The following CRY2 variants were observed in gnomAD, a reference collection of about 807,000 sequenced individuals.
The protein encoded by CRY2 is cryptochrome-2.
CRY2 carries 31 observed loss-of-function variants against 69.5 expected under a neutral mutation model. The observed-to-expected ratio is 0.45, with a 90% CI of 0.34 to 0.60. The LOEUF (loss-of-function observed/expected upper bound fraction) is 0.60. Ranked by LOEUF, CRY2 falls within the 20% of genes least tolerant of loss-of-function variation. CRY2 has a pLI of 0.02. For missense variants in CRY2, 606 were observed against 797.8 expected, an observed-to-expected ratio of 0.76 and a Z score of 2.90; for synonymous variants, 303 against 312.2, an observed-to-expected ratio of 0.97 and a Z score of 0.31.
chr11:45,857,009 C>T (rs971134911), intron 2 of CRY2, among the ~76,000 whole-genome samples: 1 of 152,134 alleles, frequency 6.6e-6, no homozygotes, highest in East Asian at 1.9e-4. Context: ...GGACAGACTG[C>T]CATCACCCTC....
intron 11 of CRY2, among the ~76,000 whole-genome samples, chr11:45,878,028 G>A (rs529212734): frequency 5.3e-5 from 8 of 152,312 alleles, no homozygotes; most frequent in South Asian, 4.1e-4. Context: ...AACTGGTGCC[G>A]AAGTCAACAT....
At chr11:45,869,201 G>C (rs985677524) in intron 6 of CRY2, among the ~76,000 whole-genome samples, 2 of 152,198 alleles carry the variant, frequency 1.3e-5, no homozygotes, top group Non-Finnish European at 2.9e-5. Flanking sequence ...AACTCTTGAG[G>C]ACAAGGAACA....
intron 5 of CRY2, among the ~76,000 whole-genome samples, chr11:45,863,830 TA>T (rs2086308611): frequency 6.6e-6 from 1 of 152,070 alleles, no homozygotes; most frequent in Non-Finnish European, 1.5e-5. Flanking sequence ...CCACTCGGAC[TA>T]GGATCAGGGA....
chr11:45,869,641 G>A lies in CRY2; in HGVS notation c.1018G>A (p.Asp340Asn). 6.2e-7 allele frequency: 1 copy of A among 1,614,246 alleles called. No individual in the cohort carries two copies. Among genetic ancestry groups the A allele is most frequent in the Non-Finnish European group, 8.5e-7 (1 of 1,180,046 alleles). Residue 340 changes from aspartate (D) to asparagine (N), a missense_variant, in exon 7 of 12, where the codon GAC becomes AAC. By Grantham distance (23) the Asp-to-Asn change is conservative. Transcript: ENST00000616080. ...CCCCATCTGCATCCAGATCCCCTGGGACCGCAATCCTGAGGCCCTGGCCAA... is the reference window on the plus strand; with the variant it reads ...CCCCATCTGCATCCAGATCCCCTGGAACCGCAATCCTGAGGCCCTGGCCAA... ...GNPICIQIPW[D>N]RNPEALAKWA... is the part of the protein sequence containing the mutation.
intron 5 of CRY2, among the ~76,000 whole-genome samples, chr11:45,863,821 C>T (rs2086308410): frequency 6.6e-6 from 1 of 151,966 alleles, no homozygotes; most frequent in South Asian, 2.1e-4. Flanking sequence ...CTGCTTTATC[C>T]ACTCGGACTA....
Position 45,847,626 on chromosome 11 carries a change from G to A in CRY2, c.136G>A (p.Gly46Arg). 1.2e-6 allele frequency: 2 copies of A among 1,602,758 alleles called. No homozygotes were observed. Among genetic ancestry groups the A allele is most frequent in the Non-Finnish European group, 1.7e-6 (2 of 1,175,618 alleles). The change falls in exon 1 of 12, where the codon GGG (glycine) becomes AGG (arginine). Residue 46 changes from glycine (G) to arginine (R), a missense_variant. Physicochemically the swap from Gly to Arg is moderately radical, Grantham distance 125. Transcript: ENST00000616080. Reference sequence around the variant, plus strand: ...CCCGGCGTTGCTGGCGGCCGTGCGCGGGGCGCGCTGCGTGCGCTGCGTTTA... The same window carrying A: ...CCCGGCGTTGCTGGCGGCCGTGCGCAGGGCGCGCTGCGTGCGCTGCGTTTA... ...DNPALLAAVRGARCVRCVYIL... is the reference protein window; with the variant it reads ...DNPALLAAVRRARCVRCVYIL...
chr11:45,871,388 A>G (rs1267482181), intron 10 of CRY2, among the ~76,000 whole-genome samples: 1 of 152,190 alleles, frequency 6.6e-6, no homozygotes, highest in Non-Finnish European at 1.5e-5. Context: ...GACAAGATAC[A>G]GCATGAGCAG....
chr11:45,872,282 G>GCA, intron 11 of CRY2, 49 bp downstream of exon 11: 1 of 1,571,794 alleles, frequency 6.4e-7, no homozygotes, highest in Non-Finnish European at 8.7e-7. Context: ...GTTGGGAGTG[G>GCA]GGGGGCCTAC....
chr11:45,873,836 G>A (rs186807788), intron 11 of CRY2, among the ~76,000 whole-genome samples: 19 of 152,268 alleles, frequency 1.2e-4, no homozygotes, highest in Admixed American at 1.2e-3. Flanking sequence ...TTGCGCTAGG[G>A]GGCCTGAAAA....
chr11:45,880,185 C>A (rs1041132641), intron 11 of CRY2, among the ~76,000 whole-genome samples: 6 of 152,160 alleles, frequency 3.9e-5, no homozygotes, highest in African/African-American at 1.2e-4. Context: ...CACATTTAAA[C>A]TGCACAAACT....
At chr11:45,850,911 A>T (rs764029680) in intron 1 of CRY2, among the ~76,000 whole-genome samples, 30 of 152,174 alleles carry the variant, frequency 2.0e-4, no homozygotes, top group African/African-American at 2.7e-4. Flanking sequence ...GTAAAAACGG[A>T]CAGAGAAATG....
intron 3 of CRY2, among the ~76,000 whole-genome samples, chr11:45,859,945 AGAG>A (rs1159334103): frequency 6.6e-6 from 1 of 152,132 alleles, no homozygotes; most frequent in East Asian, 1.9e-4. Context: ...GCTGCGTGCC[AGAG>A]GAGAGGGAGG....
intron 1 of CRY2, among the ~76,000 whole-genome samples, chr11:45,850,454 G>T (rs1330803349): frequency 1.3e-5 from 2 of 152,180 alleles, no homozygotes; most frequent in Non-Finnish European, 2.9e-5. Context: ...TCAGAAGAAA[G>T]AGATGAAGTA....
chr11:45,860,255 G>C lies in CRY2; in HGVS notation c.468-593G>C, dbSNP rs113896849. ...GTATCAGTTGTGGCTATGAACTCTA[G>C]CTCCAGTCTCTGAATTTGGGAGGAT... On this transcript the variant is annotated intron_variant, in intron 3 of 11. Transcript: ENST00000616080. 3.8e-3 allele frequency among the ~76,000 whole-genome samples: 579 copies of C among 152,126 alleles called. 4 individuals carry two copies. Among genetic ancestry groups the C allele is most frequent in the African/African-American group, 0.013 (550 of 41,472 alleles).
chr11:45,855,987 T>C lies in CRY2; in HGVS notation c.221T>C (p.Leu74Pro), dbSNP rs1224995806. 6.2e-7 allele frequency: 1 copy of C among 1,613,888 alleles called. No individual in the cohort carries two copies. Among genetic ancestry groups the C allele is most frequent in the East Asian group, 2.2e-5 (1 of 44,874 alleles). Residue 74 changes from leucine (L) to proline (P), a missense_variant, in exon 2 of 12, where the codon CTA (leucine) becomes CCA (proline). This residue lies in a region of CRY2 where 382 missense variants were observed against 508.9 expected (regional missense o/e 0.75). Transcript: ENST00000616080. ...SSVGINRWRFLLQSLEDLDTS... is the reference protein window; with the variant it reads ...SSVGINRWRFPLQSLEDLDTS... ...GGCCTGTGTGGACTCCACAGGTTCC[T>C]ACTTCAGTCTCTGGAAGATTTGGAC... is the stretch of plus-strand genomic sequence containing the variant.
At chr11:45,879,132 G>A (rs979027353) in intron 11 of CRY2, among the ~76,000 whole-genome samples, 4 of 151,618 alleles carry the variant, frequency 2.6e-5, no homozygotes, top group Non-Finnish European at 1.5e-5. Flanking sequence ...AGGAGGCTGA[G>A]GCAGGAGAAT....
rs775754822 is a variant in CRY2, at chr11:45,870,054, T to C, written c.1196T>C (p.Val399Ala). ...CTGATCATCCCCTCCCCTATCTAGGTATTTGATGAGCTGCTCCTGGATGCA... is the reference window on the plus strand; with the variant it reads ...CTGATCATCCCCTCCCCTATCTAGGCATTTGATGAGCTGCTCCTGGATGCA... ...LWVSWESGVR[V>A]FDELLLDADF... Residue 399 changes from valine to alanine, a missense_variant and splice_region_variant, in exon 8 of 12, where the codon GTA becomes GCA. Val to Ala is a moderately conservative substitution (Grantham distance 64, BLOSUM62 0). Around this residue, in one of 5 missense-constraint regions of CRY2, gnomAD observed 382 missense variants for 508.9 expected, o/e 0.75. Coordinates refer to ENST00000616080, the MANE Select transcript of CRY2 (RefSeq NM_021117.5). The C allele has an allele frequency of 1.9e-6, 3 of 1,596,462 alleles. No individual in the cohort carries two copies. The highest frequency in any genetic ancestry group is 2.6e-6 in the Non-Finnish European group (3 of 1,169,932).
chr11:45,874,280 A>T, intron 11 of CRY2, among the ~76,000 whole-genome samples: 1 of 135,938 alleles, frequency 7.4e-6, no homozygotes, highest in East Asian at 2.0e-4. Flanking sequence ...AACTCTGTCT[A>T]AAAAAAAAAA....
intron 5 of CRY2, 108 bp downstream of exon 5, chr11:45,862,256 A>G: frequency 1.9e-6 from 2 of 1,050,786 alleles, no homozygotes; most frequent in Non-Finnish European, 2.7e-6. Context: ...ATTGTTTGGA[A>G]AATGAAAAAT....
Sources: allele counts gnomAD v4.1 joint callset (sites outside exome capture counted in the v4.1 genomes callset), GRCh38; gene constraint gnomAD v4.1.1; regional missense constraint gnomAD v4.1.1; transcripts MANE v1.5; gene names NCBI Gene and HGNC (gene_info 2026-07-23, HGNC 2026-07-21).